PALD1: variants seen among roughly 807,000 people sequenced by gnomAD.
The protein encoded by PALD1 is paladin.
PALD1 carries 57 observed loss-of-function variants against 96.0 expected under a neutral mutation model. The observed-to-expected ratio is 0.59, with a 90% CI of 0.48 to 0.74. PALD1 has a LOEUF of 0.74. Among genes scored for constraint, PALD1 ranks in the 30% least tolerant of loss-of-function variants. The pLI is 0.00. For synonymous variants in PALD1, 464 were observed against 473.6 expected, an observed-to-expected ratio of 0.98 and a Z score of 0.26; for missense variants, 1,063 against 1,143.7, an observed-to-expected ratio of 0.93 and a Z score of 1.02.
chr10:70,556,217 G>C (rs1163726812), intron 18 of PALD1, among the ~76,000 whole-genome samples: 2 of 152,170 alleles, frequency 1.3e-5, no homozygotes, highest in African/African-American at 2.4e-5. Flanking sequence ...GTGTGTGTGA[G>C]TGTGCATGTG....
intron 7 of PALD1, 146 bp downstream of exon 7, chr10:70,533,216 T>G (rs1847032656): frequency 1.4e-6 from 1 of 690,206 alleles, no homozygotes; most frequent in East Asian, 2.7e-5. Flanking sequence ...GGACGTGTGT[T>G]GGTGTCTGTC....
At chr10:70,468,797 T>C in the PALD1 span, among the ~76,000 whole-genome samples, 1 of 151,078 alleles carries the variant, frequency 6.6e-6, no homozygotes, top group Admixed American at 6.6e-5. Context: ...AGTGCAGTGG[T>C]GTGATCTTGG....
chr10:70,469,494 T>C, the PALD1 span, among the ~76,000 whole-genome samples: 1 of 152,310 alleles, frequency 6.6e-6, no homozygotes, highest in South Asian at 2.1e-4. Context: ...GAAGTGAATG[T>C]GCATTGAATG....
chr10:70,534,194 G>A, intron 8 of PALD1, 121 bp downstream of exon 8: 1 of 1,210,242 alleles, frequency 8.3e-7, no homozygotes, highest in Non-Finnish European at 1.1e-6. Context: ...GGCATCTGGG[G>A]TTCATTTCCT....
chr10:70,463,277 G>T, the PALD1 span, among the ~76,000 whole-genome samples: 1 of 152,154 alleles, frequency 6.6e-6, no homozygotes, highest in African/African-American at 2.4e-5. Flanking sequence ...GGTGGCAGGT[G>T]CCTGTAGTCC....
intron 16 of PALD1, 68 bp from the exon 17 acceptor site, chr10:70,541,395 A>G: frequency 1.9e-6 from 3 of 1,553,092 alleles, no homozygotes; most frequent in Non-Finnish European, 2.7e-6. Context: ...GCAGCCCCCA[A>G]GTCCTCCCCA....
chr10:70,528,783 T>G (rs867542830), intron 2 of PALD1, among the ~76,000 whole-genome samples: 4 of 152,218 alleles, frequency 2.6e-5, no homozygotes, highest in African/African-American at 9.6e-5. Flanking sequence ...CCCTTCTCCC[T>G]CATTGCTCCA....
intron 1 of PALD1, among the ~76,000 whole-genome samples, chr10:70,523,395 C>A (rs905429145): frequency 5.3e-5 from 8 of 152,168 alleles, no homozygotes; most frequent in Non-Finnish European, 7.3e-5. Context: ...CTGCCCTGAG[C>A]CCTTGTTCTC....
rs1162989521 is a variant in PALD1, at chr10:70,540,114, GTGTT to G, written c.1908+353_1908+356del. ...TGTGTGTGTATTGTGTTATGGGTGT[GTGTT>G]ATAGGTGTGTGTGTGTTATCGGGGT... is the stretch of plus-strand genomic sequence containing the variant. On this transcript the variant is annotated intron_variant, in intron 15 of 19. Coordinates refer to ENST00000263563, the MANE Select transcript of PALD1 (RefSeq NM_014431.3). This position sits in a 1 kb window ranked among gnomAD's most constrained non-coding sequence, Gnocchi z 4.2. Among the ~76,000 whole-genome samples, 1 of 151,848 alleles carries G rather than the reference GTGTT, an allele frequency of 6.6e-6. No individual in the cohort carries two copies. Among genetic ancestry groups the G allele is most frequent in the Non-Finnish European group, 1.5e-5 (1 of 67,946 alleles).
intron 8 of PALD1, 47 bp downstream of exon 8, chr10:70,534,120 A>T: frequency 6.6e-7 from 1 of 1,505,160 alleles, no homozygotes; most frequent in East Asian, 2.4e-5. Flanking sequence ...GGGGCCGAGG[A>T]GGGGACAGGC....
At chr10:70,478,219 C>T (rs1174900405), upstream of PALD1, among the ~76,000 whole-genome samples, 1 of 152,202 alleles carries the variant, frequency 6.6e-6, no homozygotes, top group African/African-American at 2.4e-5. Flanking sequence ...CTTGGGGGGA[C>T]CGTCTGCTGT....
rs748586164 is a variant in PALD1 at position 70,538,394 on chromosome 10, G to A, written c.1438G>A (p.Ala480Thr). 22 of 1,611,634 alleles carry A rather than the reference G, an allele frequency of 1.4e-5. No homozygotes were observed. The highest frequency in any genetic ancestry group is 5.3e-5 in the African/African-American group (4 of 74,948). ...AGPVAPRDLI[A>T]RGSLREDDLV... ...CCCTGTGGCTCCGAGGGACCTCATCGCCAGGGGCTCCCTAGTGAGTATGAC... is the reference window on the plus strand; with the variant it reads ...CCCTGTGGCTCCGAGGGACCTCATCACCAGGGGCTCCCTAGTGAGTATGAC... Residue 480 changes from alanine to threonine, a missense_variant, in exon 12 of 20, where the codon GCC (alanine) becomes ACC (threonine). Coordinates refer to ENST00000263563, the MANE Select transcript of PALD1 (RefSeq NM_014431.3).
rs766448073 is a variant in PALD1, at chr10:70,541,447, A to C, written c.2050-16A>C. On this transcript the variant is annotated splice_polypyrimidine_tract_variant and intron_variant, in intron 16 of 19. Transcript: ENST00000263563. ...GTTGGGAGGGGGCTTCTGTCTCAGC[A>C]GCTGTCTTCCCTCAGGGCTTCCCCG... 3.1e-6 allele frequency: 5 copies of C among 1,612,734 alleles called. No individual in the cohort carries two copies. In the Admixed American group the frequency reaches 8.3e-5, roughly 27 times the overall value.
chr10:70,459,320 G>A, the PALD1 span, among the ~76,000 whole-genome samples: 1 of 152,204 alleles, frequency 6.6e-6, no homozygotes, highest in Non-Finnish European at 1.5e-5. Flanking sequence ...GCTGCCCTGA[G>A]GCTAATTGAA....
intron 5 of PALD1, among the ~76,000 whole-genome samples, chr10:70,531,745 C>G (rs1266832217): frequency 1.3e-5 from 2 of 152,018 alleles, no homozygotes; most frequent in African/African-American, 4.8e-5. Context: ...ACCTGTAATT[C>G]CAGCACTTTG....
intron 18 of PALD1, among the ~76,000 whole-genome samples, chr10:70,551,593 C>T (rs1425244062): frequency 1.3e-5 from 2 of 152,138 alleles, no homozygotes; most frequent in African/African-American, 2.4e-5. Context: ...GCCCCTCACT[C>T]CCCAGAGCCC....
intron 2 of PALD1, 23 bp from the exon 3 acceptor site, chr10:70,529,206 C>CT: frequency 2.5e-6 from 1 of 407,248 alleles, no homozygotes; most frequent in Non-Finnish European, 4.4e-6. Context: ...AGTTTCCATT[C>CT]TGCCCCCCCC....
chr10:70,522,723 C>T (rs1564695642), intron 1 of PALD1, among the ~76,000 whole-genome samples: 1 of 152,224 alleles, frequency 6.6e-6, no homozygotes, highest in Non-Finnish European at 1.5e-5. Flanking sequence ...GGTTTGAGCA[C>T]TAGGCACCCC....
At chr10:70,476,448 A>G (rs1241039643), upstream of PALD1, among the ~76,000 whole-genome samples, 1 of 152,206 alleles carries the variant, frequency 6.6e-6, no homozygotes, top group Non-Finnish European at 1.5e-5. Context: ...CCCCATAGCC[A>G]GCAGACAGCC....
Sources: allele counts gnomAD v4.1 joint callset (sites outside exome capture counted in the v4.1 genomes callset), GRCh38; gene constraint gnomAD v4.1.1; non-coding constraint Gnocchi (gnomAD v3.1); transcripts MANE v1.5; gene names NCBI Gene and HGNC (gene_info 2026-07-23, HGNC 2026-07-21).